NCK1: variants seen among roughly 807,000 people sequenced by gnomAD.
NCK1 encodes NCK adaptor protein 1.
A neutral mutation model predicts 36.6 loss-of-function variants in NCK1; 19 were observed. The ratio of observed to expected loss-of-function variants is 0.52; its 90% CI spans 0.36 to 0.76. The LOEUF is 0.76. Ranked by LOEUF, NCK1 falls within the 30% of genes least tolerant of loss-of-function variation. NCK1 has a pLI of 0.00. For missense variants in NCK1, 358 were observed against 445.6 expected (o/e 0.80, Z 1.77); for synonymous variants, 165 against 156.0 (o/e 1.06, Z -0.43).
At chr3:136,934,410 C>T (rs574384073) in intron 2 of NCK1, among the ~76,000 whole-genome samples, 5 of 151,946 alleles carry the variant, frequency 3.3e-5, no homozygotes, top group East Asian at 3.9e-4. Context: ...CTCAGCCTCC[C>T]GAGTAGCTGG....
intron 1 of NCK1, among the ~76,000 whole-genome samples, chr3:136,896,202 C>T (rs1393074332): frequency 1.3e-5 from 2 of 152,120 alleles, no homozygotes; most frequent in African/African-American, 4.8e-5. Flanking sequence ...CTATAGTCAC[C>T]TTAGTCTGCT....
chr3:136,884,255 C>A (rs1427218875), intron 1 of NCK1, among the ~76,000 whole-genome samples: 1 of 152,096 alleles, frequency 6.6e-6, no homozygotes, highest in Admixed American at 6.6e-5. Context: ...AGGAAACCAG[C>A]AGTTTCAAGA....
At chr3:136,930,515 C>G in intron 2 of NCK1, 9 of 1,410,236 alleles carry the variant, frequency 6.4e-6, no homozygotes, top group Non-Finnish European at 8.3e-6. Flanking sequence ...GAGAATTATC[C>G]TGAGCTGTGT....
intron 1 of NCK1, 96 bp downstream of exon 1, chr3:136,862,449 C>T (rs1225339816): frequency 6.6e-6 from 1 of 152,562 alleles, no homozygotes; most frequent in African/African-American, 2.4e-5. Flanking sequence ...GCTTCCTCTT[C>T]TCGCGCTGAG....
Position 136,921,757 on chromosome 3 carries a change from A to G in NCK1, c.-18-6227A>G, listed in dbSNP as rs535708275. Among the ~76,000 whole-genome samples, 9 of 152,274 alleles carry G rather than the reference A, an allele frequency of 5.9e-5. No individual in the cohort carries two copies. In the South Asian group the frequency reaches 1.9e-3, roughly 32 times the overall value. ...TTTTAAAGGTTGAGTATGCTAAGGGAAAGACACTGCTAAGGGAAAGAAAGA... is the reference window on the plus strand; with the variant it reads ...TTTTAAAGGTTGAGTATGCTAAGGGGAAGACACTGCTAAGGGAAAGAAAGA... On this transcript the variant is annotated intron_variant, in intron 1 of 3. Coordinates refer to ENST00000481752, the MANE Select transcript of NCK1 (RefSeq NM_001291999.2).
chr3:136,873,171 C>T (rs1938676086), intron 1 of NCK1, among the ~76,000 whole-genome samples: 1 of 152,148 alleles, frequency 6.6e-6, no homozygotes, highest in African/African-American at 2.4e-5. Context: ...TGAAAGCAGC[C>T]AGGAGAGAGG....
At chr3:136,908,922 G>T (rs996334833) in intron 1 of NCK1, among the ~76,000 whole-genome samples, 1 of 152,128 alleles carries the variant, frequency 6.6e-6, no homozygotes, top group African/African-American at 2.4e-5. Flanking sequence ...GGGAGGTGGG[G>T]CATAATGGGA....
At chr3:136,916,131 C>T (rs556336985) in intron 1 of NCK1, among the ~76,000 whole-genome samples, 124 of 152,208 alleles carry the variant, frequency 8.1e-4, no homozygotes, top group Admixed American at 7.2e-4. Context: ...CCAGTCACCT[C>T]GCAGTCACCT....
At chr3:136,893,194 A>ATTTGGGCTGGTTC (rs1203106396) in intron 1 of NCK1, among the ~76,000 whole-genome samples, 1 of 139,512 alleles carries the variant, frequency 7.2e-6, no homozygotes, top group African/African-American at 2.7e-5. Flanking sequence ...ATATATATAC[A>ATTTGGGCTGGTTC]CACATGTGCA....
chr3:136,893,487 A>T (rs1939310664), intron 1 of NCK1, among the ~76,000 whole-genome samples: 1 of 151,464 alleles, frequency 6.6e-6, no homozygotes, highest in Admixed American at 6.6e-5. Context: ...CTGTTTTTTG[A>T]TGGGATTGTT....
intron 1 of NCK1, chr3:136,900,213 T>TTTG (rs548830414): frequency 4.4e-4 from 100 of 225,666 alleles, no homozygotes; most frequent in South Asian, 1.1e-3. Flanking sequence ...AGAAGCCTTT[T>TTTG]TTGTTGTTGT....
At chr3:136,937,691 C>A (rs535849828) in intron 2 of NCK1, among the ~76,000 whole-genome samples, 26 of 152,226 alleles carry the variant, frequency 1.7e-4, no homozygotes, top group African/African-American at 6.3e-4. Context: ...TCTTATTCTT[C>A]TTAATGCTGT....
chr3:136,916,729 A>C (rs1939973883), intron 1 of NCK1, among the ~76,000 whole-genome samples: 1 of 152,198 alleles, frequency 6.6e-6, no homozygotes, highest in Non-Finnish European at 1.5e-5. Context: ...AGTGTAATGA[A>C]AAACTTAGAA....
chr3:136,911,027 C>T (rs953407292), intron 1 of NCK1, among the ~76,000 whole-genome samples: 6 of 152,054 alleles, frequency 3.9e-5, no homozygotes, highest in Admixed American at 2.6e-4. Flanking sequence ...CTTTCTGTGC[C>T]GGCTTATTTA....
intron 1 of NCK1, among the ~76,000 whole-genome samples, chr3:136,882,301 G>A (rs1938963154): frequency 6.6e-6 from 1 of 151,968 alleles, no homozygotes; most frequent in Admixed American, 6.6e-5. Flanking sequence ...ATGCTTGTTG[G>A]CTATTTGTAT....
chr3:136,883,203 G>T (rs1271407342), intron 1 of NCK1, among the ~76,000 whole-genome samples: 1 of 152,172 alleles, frequency 6.6e-6, no homozygotes, highest in Admixed American at 6.5e-5. Context: ...TTACAGGCAT[G>T]AGCCCCCATG....
chr3:136,928,304 C>G lies in NCK1; in HGVS notation c.226+77C>G, dbSNP rs1329172122. On this transcript the variant is annotated intron_variant, in intron 2 of 3. Coordinates refer to ENST00000481752, the MANE Select transcript of NCK1 (RefSeq NM_001291999.2). Reference sequence around the variant, plus strand: ...CTTAGTTCTTTGTACATAATTCTGGCAGCAGTGTGCATAATTGACTTGAAA... The same window carrying G: ...CTTAGTTCTTTGTACATAATTCTGGGAGCAGTGTGCATAATTGACTTGAAA... 4.4e-6 allele frequency: 6 copies of G among 1,348,774 alleles called. No homozygotes were observed. In the African/African-American group the frequency reaches 8.9e-5, roughly 20 times the overall value. The allele number at this position is 1,348,774 out of a possible 1,614,324, so 83.6% of individuals were successfully genotyped here.
At chr3:136,878,008 C>A (rs1412198546) in intron 1 of NCK1, among the ~76,000 whole-genome samples, 1 of 152,158 alleles carries the variant, frequency 6.6e-6, no homozygotes, top group Non-Finnish European at 1.5e-5. Flanking sequence ...AGAACTGATA[C>A]ATGTTATAAC....
chr3:136,922,839 A>T (rs1414534611), intron 1 of NCK1, among the ~76,000 whole-genome samples: 1 of 152,266 alleles, frequency 6.6e-6, no homozygotes, highest in Non-Finnish European at 1.5e-5. Context: ...CCAAAGGTAC[A>T]CTAACAGAAA....
Sources: gnomAD v4.1 joint callset for allele counts (sites outside exome capture counted in the v4.1 genomes callset) on GRCh38, gnomAD v4.1.1 for gene constraint, MANE v1.5 for transcripts, NCBI Gene and HGNC (gene_info 2026-07-23, HGNC 2026-07-21) for gene names.